The following HEATR4 variants were observed in gnomAD, a reference collection of about 807,000 sequenced individuals.
The protein encoded by HEATR4 is HEAT repeat containing 4, also known as HEAT repeat-containing protein 4.
Under a neutral mutation model 108.8 loss-of-function variants are expected in HEATR4, and 95 were observed. That is an observed-to-expected ratio of 0.87 (90% confidence interval 0.74 to 1.04). The LOEUF is 1.04. Ranked by LOEUF, HEATR4 falls within the 50% of genes least tolerant of loss-of-function variation. The probability of loss-of-function intolerance (pLI) is 0.00; values close to 1 mark genes in which losing one functional copy is unlikely to be tolerated. For missense variants in HEATR4, 1,152 were observed against 1,253.8 expected (o/e 0.92, Z 1.23); for synonymous variants, 443 against 459.4 (o/e 0.96, Z 0.46).
the HEATR4 span, among the ~76,000 whole-genome samples, chr14:73,599,769 TGAAAG>T: frequency 2.6e-5 from 4 of 152,212 alleles, no homozygotes; most frequent in South Asian, 4.1e-4. Flanking sequence ...GTCTGCCTCT[TGAAAG>T]GAGAGTGGCA....
At chr14:73,631,276 G>T in the HEATR4 span, among the ~76,000 whole-genome samples, 1 of 151,530 alleles carries the variant, frequency 6.6e-6, no homozygotes, top group African/African-American at 2.4e-5. Context: ...TAGAATAGTA[G>T]AAAACAATTT....
At chr14:73,626,202 T>C in the HEATR4 span, among the ~76,000 whole-genome samples, 98 of 152,284 alleles carry the variant, frequency 6.4e-4, no homozygotes, top group African/African-American at 2.1e-3. Flanking sequence ...CTAGGCCACA[T>C]TGGAAGAAGA....
intron 2 of HEATR4, among the ~76,000 whole-genome samples, chr14:73,526,884 G>A (rs1355315647): frequency 6.6e-6 from 1 of 152,034 alleles, no homozygotes; most frequent in African/African-American, 2.4e-5. Flanking sequence ...CATCTGTGGT[G>A]GCCATGGGAG....
At chr14:73,607,867 A>G in the HEATR4 span, among the ~76,000 whole-genome samples, 1 of 151,538 alleles carries the variant, frequency 6.6e-6, no homozygotes, top group Non-Finnish European at 1.5e-5. Context: ...CAGGTGATCC[A>G]CCCACCTCGG....
In HEATR4 at chr14:73,544,128, A is replaced by C. The variant is rs1172946521; in HGVS notation, c.-151-13884T>G. 5.3e-5 allele frequency among the ~76,000 whole-genome samples: 6 copies of C among 113,958 alleles called. 2 individuals are homozygous for C. Among genetic ancestry groups the C allele is most frequent in the African/African-American group, 8.5e-5 (3 of 35,264 alleles). The allele number at this position is 113,958 out of a possible 152,430, so 74.8% of individuals were successfully genotyped here. ...GCCAACATGGTGAAACCCCATCTCT[A>C]CTAAAAATACAAAAAATTAGCCGGG... On this transcript the variant is annotated intron_variant, in intron 1 of 17. Coordinates refer to ENST00000553558, the MANE Select transcript of HEATR4 (RefSeq NM_001220484.1).
At chr14:73,517,527 G>A (rs1887678641) in intron 5 of HEATR4, 1 of 152,136 alleles carries the variant, frequency 6.6e-6, no homozygotes, top group South Asian at 2.1e-4. Context: ...AATTAGCTGG[G>A]TATAGTGGTG....
intron 17 of HEATR4, among the ~76,000 whole-genome samples, chr14:73,481,834 G>A (rs949722043): frequency 6.6e-6 from 1 of 151,544 alleles, no homozygotes; most frequent in Non-Finnish European, 1.5e-5. Context: ...GACAGAGCGA[G>A]ACTCCATCTC....
chr14:73,510,699 G>A (rs1299380703), intron 7 of HEATR4, among the ~76,000 whole-genome samples: 3 of 152,188 alleles, frequency 2.0e-5, no homozygotes, highest in Non-Finnish European at 4.4e-5. Flanking sequence ...GCCTTCCAAA[G>A]TGCTGGAATT....
chr14:73,550,962 G>A (rs1005083742), intron 1 of HEATR4, among the ~76,000 whole-genome samples: 1 of 114,128 alleles, frequency 8.8e-6, no homozygotes, highest in Non-Finnish European at 1.9e-5. Context: ...TTCGAGACCA[G>A]CCTGGCCAAC....
At chr14:73,570,006 C>T in the HEATR4 span, 1 of 1,394,952 alleles carries the variant, frequency 7.2e-7, no homozygotes, top group Non-Finnish European at 9.4e-7. Context: ...ATTGCCCAGG[C>T]AGGTTTCGAA....
At chr14:73,569,267 C>T in the HEATR4 span, 17 of 1,613,798 alleles carry the variant, frequency 1.1e-5, no homozygotes, top group Admixed American at 3.3e-5. Context: ...TTTCTCCCCA[C>T]CCCCATTCAG....
the HEATR4 span, among the ~76,000 whole-genome samples, chr14:73,592,799 G>C: frequency 6.6e-6 from 1 of 152,154 alleles, no homozygotes; most frequent in African/African-American, 2.4e-5. Context: ...GTTGCAGTGA[G>C]CCGAGATCGC....
the HEATR4 span, chr14:73,619,292 CA>C: frequency 6.2e-7 from 1 of 1,612,046 alleles, no homozygotes; most frequent in African/African-American, 1.3e-5. Context: ...CTGTGTCTCT[CA>C]ATGGCTTCTT....
intron 4 of HEATR4, 135 bp downstream of exon 4, chr14:73,520,716 TG>T: frequency 2.6e-6 from 2 of 761,378 alleles, no homozygotes. Context: ...GTGTGGGTGC[TG>T]GGTCATGAAC....
chr14:73,482,050 A>C (rs558399953), intron 17 of HEATR4, among the ~76,000 whole-genome samples: 3 of 152,136 alleles, frequency 2.0e-5, no homozygotes, highest in African/African-American at 7.2e-5. Context: ...AAGAAAAATC[A>C]GTGGTTGACA....
chr14:73,592,515 C>A, the HEATR4 span: 1 of 1,342,704 alleles, frequency 7.4e-7, no homozygotes, highest in Non-Finnish European at 9.8e-7. Flanking sequence ...GGAGCAAGAT[C>A]AGAGAAGCTA....
the HEATR4 span, chr14:73,569,677 T>C: frequency 6.2e-7 from 1 of 1,608,986 alleles, no homozygotes; most frequent in Non-Finnish European, 8.5e-7. Flanking sequence ...CTCTGGGCCT[T>C]GGAGCCCGAG....
chr14:73,626,809 T>A, the HEATR4 span, among the ~76,000 whole-genome samples: 1 of 147,954 alleles, frequency 6.8e-6, no homozygotes, highest in South Asian at 2.2e-4. Context: ...TTTTTTTTTT[T>A]TTTTTTGAGA....
the HEATR4 span, among the ~76,000 whole-genome samples, chr14:73,627,380 G>A: frequency 2.6e-5 from 4 of 152,046 alleles, no homozygotes; most frequent in African/African-American, 9.7e-5. Context: ...CACAGGTTGA[G>A]GAGTAGGTCC....
Sources: gnomAD v4.1 joint callset for allele counts (sites outside exome capture counted in the v4.1 genomes callset) on GRCh38, gnomAD v4.1.1 for gene constraint, MANE v1.5 for transcripts, NCBI Gene and HGNC (gene_info 2026-07-23, HGNC 2026-07-21) for gene names.